The following RALGPS1 variants were observed in gnomAD, a reference collection of about 807,000 sequenced individuals.
The protein encoded by RALGPS1 is Ral GEF with PH domain and SH3 binding motif 1, also known as ras-specific guanine nucleotide-releasing factor RalGPS1.
In RALGPS1, 19 loss-of-function variants were observed where a neutral mutation model predicts 78.8. The observed-to-expected ratio is 0.24, with a 90% CI of 0.17 to 0.35. The LOEUF is 0.35. Ranked by LOEUF, RALGPS1 falls within the 10% of genes least tolerant of loss-of-function variation. RALGPS1 has a pLI of 1.00. For synonymous variants in RALGPS1, 228 were observed against 256.3 expected, an observed-to-expected ratio of 0.89 and a Z score of 1.06; for missense variants, 454 against 688.3, an observed-to-expected ratio of 0.66 and a Z score of 3.81.
intron 4 of RALGPS1, among the ~76,000 whole-genome samples, chr9:127,012,020 G>A (rs1023777736): frequency 6.6e-6 from 1 of 152,148 alleles, no homozygotes; most frequent in African/African-American, 2.4e-5. Context: ...CCGACTAGAC[G>A]GGCAGACAGT....
At chr9:127,024,036 C>CAAAAAAAAAAAAAAAAA (rs61549879) in intron 4 of RALGPS1, among the ~76,000 whole-genome samples, 1 of 71,652 alleles carries the variant, frequency 1.4e-5, no homozygotes, top group Non-Finnish European at 2.5e-5. Context: ...GACTCTGTCT[C>CAAAAAAAAAAAAAAAAA]AAAAAAAAAA....
intron 8 of RALGPS1, among the ~76,000 whole-genome samples, chr9:127,099,273 C>T (rs1398039581): frequency 2.0e-5 from 3 of 152,180 alleles, no homozygotes; most frequent in African/African-American, 4.8e-5. Context: ...ATATTTTAGT[C>T]CATACGCAGG....
At chr9:127,188,868 C>T (rs2060849857) in intron 11 of RALGPS1, among the ~76,000 whole-genome samples, 2 of 111,480 alleles carry the variant, frequency 1.8e-5, no homozygotes, top group African/African-American at 3.0e-5. Context: ...GGCATTGTGG[C>T]GTACGCCTAT....
chr9:127,195,290 A>G (rs1007132816), intron 12 of RALGPS1, 73 bp downstream of exon 12: 4 of 1,559,910 alleles, frequency 2.6e-6, no homozygotes, highest in Non-Finnish European at 3.5e-6. Context: ...AGTGCAGGGA[A>G]TCACTTGCTG....
intron 8 of RALGPS1, among the ~76,000 whole-genome samples, chr9:127,078,361 T>G (rs1050488554): frequency 1.3e-5 from 2 of 152,154 alleles, no homozygotes; most frequent in African/African-American, 4.8e-5. Flanking sequence ...AAAAGGCCAG[T>G]GGATGTTATT....
At chr9:127,217,495 T>C (rs1354589702) in intron 18 of RALGPS1, 1 of 940,576 alleles carries the variant, frequency 1.1e-6, no homozygotes, top group Admixed American at 6.1e-5. Flanking sequence ...TGGAACTGCA[T>C]GTCCTAAACT....
Position 127,009,002 on chromosome 9 carries a change from T to C in RALGPS1, c.217-25429T>C, listed in dbSNP as rs547471229. On this transcript the variant is annotated intron_variant, in intron 4 of 18. Transcript: ENST00000259351. ...TTTAGAAAGGCTTTAGGAAGGCTTT[T>C]TGCTTTCAAAATCCACGCAAGATCC... Among the ~76,000 whole-genome samples the C allele has an allele frequency of 2.6e-5, 4 of 152,346 alleles. No homozygotes were observed. The South Asian group carries it at 8.3e-4, about 32-fold the overall frequency.
At chr9:127,135,858 C>A (rs1392976341) in intron 8 of RALGPS1, among the ~76,000 whole-genome samples, 1 of 152,190 alleles carries the variant, frequency 6.6e-6, no homozygotes, top group Non-Finnish European at 1.5e-5. Flanking sequence ...CTTTGAATTG[C>A]ATTTGAGTCA....
chr9:127,108,286 C>G (rs752053998), intron 8 of RALGPS1: 1 of 1,613,866 alleles, frequency 6.2e-7, no homozygotes, highest in Non-Finnish European at 8.5e-7. Flanking sequence ...CGCGTTGTCC[C>G]GCTTGCGGAT....
rs527463671 is a variant in RALGPS1 at position 126,917,236 on chromosome 9, C to CT, written c.-66+2262dup. Among the ~76,000 whole-genome samples, 39 of 152,226 alleles carry CT rather than the reference C, an allele frequency of 2.6e-4. No individual in the cohort carries two copies. The South Asian group carries it at 7.5e-3, about 29-fold the overall frequency. ...AGCAGCATGTGAGAGTTCTCCCACTCTGTCTTGGCAGAAGCGGTGTTAATG... is the reference window on the plus strand; with the variant it reads ...AGCAGCATGTGAGAGTTCTCCCACTCTTGTCTTGGCAGAAGCGGTGTTAATG... On this transcript the variant is annotated intron_variant, in intron 1 of 18. Coordinates refer to ENST00000259351, the MANE Select transcript of RALGPS1 (RefSeq NM_014636.3).
At chr9:126,957,353 C>A (rs1021613689) in intron 1 of RALGPS1, among the ~76,000 whole-genome samples, 5 of 147,424 alleles carry the variant, frequency 3.4e-5, no homozygotes, top group Non-Finnish European at 7.6e-5. Flanking sequence ...TTGGGCCAGG[C>A]TGAGCAGTTT....
chr9:127,054,996 TGAGAGAGAGAGAGAGAGAGA>T (rs10555826), intron 7 of RALGPS1, among the ~76,000 whole-genome samples: 20 of 139,114 alleles, frequency 1.4e-4, no homozygotes, highest in Admixed American at 7.2e-4. Context: ...AGAGATTGAT[TGAGAGAGAGAGAGAGAGAGA>T]GAGAGAGAGA....
chr9:126,974,089 G>A (rs2040377243), intron 3 of RALGPS1, among the ~76,000 whole-genome samples: 1 of 152,078 alleles, frequency 6.6e-6, no homozygotes, highest in African/African-American at 2.4e-5. Context: ...GGCCAGGGTG[G>A]TCTCGAACTC....
chr9:127,034,344 A>G, intron 4 of RALGPS1, 87 bp from the exon 5 acceptor site: 1 of 1,189,606 alleles, frequency 8.4e-7, no homozygotes, highest in South Asian at 1.2e-5. Context: ...TCCCACCTTC[A>G]TGCATGCTCA....
intron 1 of RALGPS1, among the ~76,000 whole-genome samples, chr9:126,954,505 A>T (rs944456118): frequency 1.6e-4 from 24 of 152,226 alleles, no homozygotes; most frequent in African/African-American, 5.3e-4. Context: ...TCTCTAGCAC[A>T]GCCAGGCATG....
In RALGPS1 at chr9:127,183,828, C is replaced by A; in HGVS notation, c.910+9046C>A. The A allele has an allele frequency of 6.6e-7, 1 of 1,522,162 alleles. No homozygotes were observed. The allele number at this position is 1,522,162 out of a possible 1,614,324, so 94.3% of individuals were successfully genotyped here. A position where few individuals can be genotyped will look rare whatever the true frequency, so the allele number is the denominator to read the frequency against. On this transcript the variant is annotated intron_variant, in intron 11 of 18. Transcript: ENST00000259351. This position sits in a 1 kb window ranked among gnomAD's most constrained non-coding sequence, Gnocchi z 4.0. ...CTCAGGGATAGGAGGCCAGTTGTGG[C>A]CCATTACTCTGGGATTTCACATCTC...
At chr9:127,007,405 A>G (rs2043939100) in intron 4 of RALGPS1, among the ~76,000 whole-genome samples, 1 of 152,208 alleles carries the variant, frequency 6.6e-6, no homozygotes, top group Non-Finnish European at 1.5e-5. Flanking sequence ...CCATTCCTGC[A>G]CATTGCTTGT....
At chr9:126,930,207 T>G (rs921517971) in intron 1 of RALGPS1, among the ~76,000 whole-genome samples, 2 of 151,692 alleles carry the variant, frequency 1.3e-5, no homozygotes, top group Non-Finnish European at 2.9e-5. Context: ...AAAGCCCCAT[T>G]GTTATAATTA....
chr9:127,046,398 C>T (rs1336466889), intron 5 of RALGPS1, among the ~76,000 whole-genome samples: 1 of 152,046 alleles, frequency 6.6e-6, no homozygotes, highest in East Asian at 1.9e-4. Flanking sequence ...TCAATGAAAC[C>T]TTGTGTATCT....
Sources: allele counts gnomAD v4.1 joint callset (sites outside exome capture counted in the v4.1 genomes callset), GRCh38; gene constraint gnomAD v4.1.1; non-coding constraint Gnocchi (gnomAD v3.1); transcripts MANE v1.5; gene names NCBI Gene and HGNC (gene_info 2026-07-23, HGNC 2026-07-21).